TPTE2: variants seen among roughly 807,000 people sequenced by gnomAD.
The protein encoded by TPTE2 is phosphatidylinositol 3,4,5-trisphosphate 3-phosphatase TPTE2.
A neutral mutation model predicts 78.6 loss-of-function variants in TPTE2; 53 were observed. The observed-to-expected ratio is 0.67, with a 90% confidence interval of 0.54 to 0.85. The LOEUF (loss-of-function observed/expected upper bound fraction) is 0.85, where lower values mean the gene tolerates loss of function less well. Ranked by LOEUF, TPTE2 falls within the 40% of genes least tolerant of loss-of-function variation. The probability of loss-of-function intolerance (pLI) is 0.00; values close to 1 mark genes in which losing one functional copy is unlikely to be tolerated. For missense variants in TPTE2, 461 were observed against 623.0 expected, an observed-to-expected ratio of 0.74 and a Z score of 2.77; for synonymous variants, 175 against 206.2, an observed-to-expected ratio of 0.85 and a Z score of 1.30.
intron 10 of TPTE2, among the ~76,000 whole-genome samples, chr13:19,452,653 A>T (rs1198894431): frequency 2.0e-5 from 3 of 152,210 alleles, no homozygotes; most frequent in Non-Finnish European, 4.4e-5. Context: ...TTCTCTTTTA[A>T]TGAGAAAATC....
At chr13:19,469,992 C>T (rs1328583336) in intron 6 of TPTE2, among the ~76,000 whole-genome samples, 5 of 152,128 alleles carry the variant, frequency 3.3e-5, no homozygotes, top group Non-Finnish European at 5.9e-5. Context: ...TCTTCCATCC[C>T]AATTTGGATT....
rs201672341 is a variant in TPTE2 at position 19,451,808 on chromosome 13, AGTGTGTGTGT to A, written c.742-593_742-584del. 8.4e-4 allele frequency among the ~76,000 whole-genome samples: 113 copies of A among 134,938 alleles called. 1 individual carries two copies. In the South Asian group the frequency reaches 0.022, roughly 26 times the overall value. The allele number at this position is 134,938 out of a possible 152,430, so 88.5% of individuals were successfully genotyped here. ...AAATGAAGATATATGTGTACCTATA[AGTGTGTGTGT>A]GTGTGTGTGTGTGTGTGTGTGTGTG... On this transcript the variant is annotated intron_variant, in intron 10 of 19. Coordinates refer to ENST00000400230, the Ensembl canonical transcript of TPTE2.
intron 15 of TPTE2, among the ~76,000 whole-genome samples, chr13:19,434,029 C>T (rs1876879741): frequency 6.6e-6 from 1 of 152,318 alleles, no homozygotes; most frequent in African/African-American, 2.4e-5. Flanking sequence ...TCCCACGCTT[C>T]CTTCTCCTAC....
chr13:19,495,348 G>C (rs1881240187), intron 1 of TPTE2, among the ~76,000 whole-genome samples: 1 of 152,150 alleles, frequency 6.6e-6, no homozygotes, highest in Admixed American at 6.5e-5. Flanking sequence ...GGATTTTTCT[G>C]ATCTTTGTCC....
At position 19,423,234 on chromosome 13, in the gene TPTE2, C is replaced by G. The variant is rs150808627; in HGVS notation, c.1467-70G>C. The G allele has an allele frequency of 1.5e-3, 1,872 of 1,221,482 alleles. 21 individuals are homozygous for G. The African/African-American group carries it at 0.022, about 14-fold the overall frequency. 75.7% of individuals were successfully genotyped at this position (1,221,482 alleles called of 1,614,324 possible). Reference sequence around the variant, plus strand: ...AAAAAGCCACGCAGTTGGGTACCCACGTTAGAGCTGGAAGAAACAAAAAAA... The same window carrying G: ...AAAAAGCCACGCAGTTGGGTACCCAGGTTAGAGCTGGAAGAAACAAAAAAA... On this transcript the variant is annotated intron_variant, in intron 19 of 19. Transcript: ENST00000400230.
chr13:19,487,453 C>T (rs1880728561), intron 3 of TPTE2, among the ~76,000 whole-genome samples: 1 of 152,058 alleles, frequency 6.6e-6, no homozygotes, highest in Non-Finnish European at 1.5e-5. Context: ...ACTCTGTTGA[C>T]CTGGGGGTGT....
chr13:19,509,122 T>A (rs1869263393), intron 1 of TPTE2, among the ~76,000 whole-genome samples: 1 of 152,164 alleles, frequency 6.6e-6, no homozygotes, highest in Admixed American at 6.5e-5. Flanking sequence ...GTTTGTAGGA[T>A]ACAATGAAGC....
intron 1 of TPTE2, among the ~76,000 whole-genome samples, chr13:19,512,100 TA>T (rs1178190832): frequency 6.6e-6 from 1 of 152,194 alleles, no homozygotes; most frequent in Non-Finnish European, 1.5e-5. Flanking sequence ...ATATGAACCA[TA>T]AAACAGTGTA....
chr13:19,496,498 G>C (rs1881320555), intron 1 of TPTE2, among the ~76,000 whole-genome samples: 1 of 152,102 alleles, frequency 6.6e-6, no homozygotes, highest in Non-Finnish European at 1.5e-5. Context: ...AGTCTTTCCT[G>C]TCCATGGGAC....
chr13:19,512,051 A>G (rs1869488435), intron 1 of TPTE2, among the ~76,000 whole-genome samples: 1 of 152,218 alleles, frequency 6.6e-6, no homozygotes, highest in South Asian at 2.1e-4. Context: ...TTTACTTGTT[A>G]GTGAATAAAT....
At chr13:19,496,549 A>G (rs1178093708) in intron 1 of TPTE2, among the ~76,000 whole-genome samples, 4 of 152,156 alleles carry the variant, frequency 2.6e-5, no homozygotes, top group Non-Finnish European at 5.9e-5. Context: ...TCTGCATCCA[A>G]TGAGGTGCTG....
At chr13:19,537,311 G>A (rs1481469764), upstream of TPTE2, among the ~76,000 whole-genome samples, 3 of 149,666 alleles carry the variant, frequency 2.0e-5, no homozygotes, top group Admixed American at 1.3e-4. Flanking sequence ...TTGGCTCACT[G>A]CAACCTCCAC....
At chr13:19,455,698 A>G (rs1474904939) in intron 10 of TPTE2, among the ~76,000 whole-genome samples, 12 of 364 alleles carry the variant, frequency 0.033, no homozygotes, top group African/African-American at 0.04. Flanking sequence ...GTGATACATA[A>G]AAAAATACAT....
chr13:19,554,151 G>T, the TPTE2 span, among the ~76,000 whole-genome samples: 6 of 152,062 alleles, frequency 3.9e-5, no homozygotes, highest in Non-Finnish European at 2.9e-5. Flanking sequence ...TGAGGCGGGG[G>T]GATCACAAGG....
chr13:19,522,569 C>G (rs1870217500), intron 1 of TPTE2, among the ~76,000 whole-genome samples: 3 of 150,818 alleles, frequency 2.0e-5, no homozygotes. Flanking sequence ...TTAGTACTCT[C>G]AGCATTTGTT....
intron 1 of TPTE2, among the ~76,000 whole-genome samples, chr13:19,498,126 G>C (rs1881507786): frequency 6.6e-6 from 1 of 151,962 alleles, no homozygotes; most frequent in African/African-American, 2.4e-5. Context: ...AATGAGCAAA[G>C]CCTCCAAGAA....
intron 4 of TPTE2, among the ~76,000 whole-genome samples, chr13:19,477,687 G>C (rs111333112): frequency 0.038 from 5,717 of 152,270 alleles, 393 homozygotes; most frequent in African/African-American, 0.13. Context: ...GATTATGAAG[G>C]CATGAAGAAG....
rs753071481 is a variant in TPTE2 at position 19,486,513 on chromosome 13, T to C, written c.120-3966A>G. Among the ~76,000 whole-genome samples, 2 of 152,198 alleles carry C rather than the reference T, an allele frequency of 1.3e-5. No homozygotes were observed. Among genetic ancestry groups the C allele is most frequent in the Non-Finnish European group, 2.9e-5 (2 of 68,028 alleles). On this transcript the variant is annotated intron_variant, in intron 3 of 19. Transcript: ENST00000400230. The surrounding 1 kb of genome is among the most constrained non-coding windows in gnomAD (Gnocchi z 4.3). ...GCTCAACCAGGGCATGACTGCCAGA[T>C]GTGCTTTGCAGGACAGTTTCTCAGG... is the stretch of plus-strand genomic sequence containing the variant.
At chr13:19,530,832 T>C (rs1870823205) in intron 1 of TPTE2, among the ~76,000 whole-genome samples, 1 of 152,148 alleles carries the variant, frequency 6.6e-6, no homozygotes, top group Admixed American at 6.5e-5. Context: ...GCCCTAAATT[T>C]TTTTTCTTAT....
Sources: gnomAD v4.1 joint callset for allele counts (sites outside exome capture counted in the v4.1 genomes callset) on GRCh38, gnomAD v4.1.1 for gene constraint, Gnocchi (gnomAD v3.1) non-coding constraint, MANE v1.5 for transcripts, NCBI Gene and HGNC (gene_info 2026-07-23, HGNC 2026-07-21) for gene names.